The following NT5DC2 variants were observed in gnomAD, a reference collection of about 807,000 sequenced individuals.
NT5DC2 encodes the protein 5'-nucleotidase domain-containing protein 2.
NT5DC2 carries 41 observed loss-of-function variants against 70.0 expected under a neutral mutation model. The observed-to-expected ratio is 0.59, with a 90% CI of 0.46 to 0.76. The LOEUF is 0.76. Among genes scored for constraint, NT5DC2 ranks in the 30% least tolerant of loss-of-function variants. The probability of loss-of-function intolerance (pLI) is 0.00; values close to 1 mark genes in which losing one functional copy is unlikely to be tolerated. For missense variants in NT5DC2, 705 were observed against 783.2 expected, an observed-to-expected ratio of 0.90 and a Z score of 1.19; for synonymous variants, 299 against 310.4, an observed-to-expected ratio of 0.96 and a Z score of 0.39.
In NT5DC2 at chr3:52,533,580, T is replaced by C. The variant is rs914668944; in HGVS notation, c.158A>G (p.Gln53Arg). ...GAGGTCGGCGCCGCTGGTGGGTGCC[T>C]GGGCGGGCGCGGAGCGCGGGACGCC... ...CPGVPRSAPAQAPTSGADLSA... is the reference protein window; with the variant it reads ...CPGVPRSAPARAPTSGADLSA... Residue 53 changes from glutamine (Q) to arginine (R), a missense_variant, in exon 1 of 14, where the codon CAG becomes CGG. Gln to Arg is a conservative substitution (Grantham distance 43, BLOSUM62 1). Transcript: ENST00000422318. 7.7e-6 allele frequency: 10 copies of C among 1,301,104 alleles called. No individual in the cohort carries two copies. Among genetic ancestry groups the C allele is most frequent in the Admixed American group, 8.1e-5 (2 of 24,652 alleles). The allele number at this position is 1,301,104 out of a possible 1,614,324, so 80.6% of individuals were successfully genotyped here.
chr3:52,533,375 G>A lies in NT5DC2; in HGVS notation c.232+131C>T, dbSNP rs536177157. On this transcript the variant is annotated intron_variant, in intron 1 of 13. Coordinates refer to ENST00000422318, the MANE Select transcript of NT5DC2 (RefSeq NM_001134231.2). ...CGGAGCTTCTCGCGAAAAGCCGCCC[G>A]GCCCTTGCGCTCCGGGGCCCTGGCG... 8 of 999,340 alleles carry A rather than the reference G, an allele frequency of 8.0e-6. No individual in the cohort carries two copies. In the African/African-American group the frequency reaches 8.7e-5, roughly 11 times the overall value. The allele number at this position is 999,340 out of a possible 1,614,324, so 61.9% of individuals were successfully genotyped here.
rs112837086 is a variant in NT5DC2 at position 52,524,861 on chromosome 3, C to T, written c.1368G>A (p.Ser456=). Reference sequence around the variant, plus strand: ...TCATCCAGGCAGCCAGCACCTGCCTCGACTCCGCGTCCTGATAGGTCTGGG... The same window carrying T: ...TCATCCAGGCAGCCAGCACCTGCCTTGACTCCGCGTCCTGATAGGTCTGGG... ...ERMQTYQDAE[S]RQVLAAWMKE... Residue 456 remains serine, a synonymous_variant, in exon 13 of 14, where the codon TCG becomes TCA. Transcript: ENST00000422318. 77 of 1,612,342 alleles carry T rather than the reference C, an allele frequency of 4.8e-5. 3 individuals are homozygous for T. The Middle Eastern group carries it at 5.0e-4, about 10-fold the overall frequency.
chr3:52,524,916 C>G, intron 12 of NT5DC2, 35 bp from the exon 13 acceptor site: 1 of 1,611,880 alleles, frequency 6.2e-7, no homozygotes, highest in African/African-American at 1.3e-5. Flanking sequence ...GTGTGTGCAC[C>G]CAGGAGGCTA....
At chr3:52,533,919 G>T, upstream of NT5DC2, 1 of 816,150 alleles carries the variant, frequency 1.2e-6, no homozygotes, top group South Asian at 5.6e-5. Context: ...GGGGCGGGAG[G>T]CCCCGGACCC....
At chr3:52,526,988 A>G (rs2079284170) in intron 10 of NT5DC2, among the ~76,000 whole-genome samples, 1 of 152,190 alleles carries the variant, frequency 6.6e-6, no homozygotes, top group South Asian at 2.1e-4. Flanking sequence ...AGAGCTTTAT[A>G]CCACAGCTTC....
chr3:52,527,815 G>A lies in NT5DC2; in HGVS notation c.935+14C>T. 6.2e-7 allele frequency: 1 copy of A among 1,613,176 alleles called. No individual in the cohort carries two copies. The highest frequency in any genetic ancestry group is 8.5e-7 in the Non-Finnish European group (1 of 1,179,912). On this transcript the variant is annotated intron_variant, in intron 8 of 13. Coordinates refer to ENST00000422318, the MANE Select transcript of NT5DC2 (RefSeq NM_001134231.2). The stretch of plus-strand genomic sequence containing the variant: ...TGGCCCTGCTGTCCCTCCATCCACA[G>A]GGGCTGGACTCACACGAAGCTGAAA...
At position 52,531,970 on chromosome 3, in the gene NT5DC2, C is replaced by G. The variant is rs892680937; in HGVS notation, c.232+1536G>C. On this transcript the variant is annotated intron_variant, in intron 1 of 13. Transcript: ENST00000422318. This position sits in a 1 kb window ranked among gnomAD's most constrained non-coding sequence, Gnocchi z 4.1. ...CAGTAACAGGCACCGGGGTTGAGAT[C>G]ACCATTCAAGTCACCCCACCTGCAT... Among the ~76,000 whole-genome samples the G allele has an allele frequency of 6.6e-6, 1 of 152,184 alleles. No homozygotes were observed. The highest frequency in any genetic ancestry group is 2.4e-5 in the African/African-American group (1 of 41,438).
Position 52,529,421 on chromosome 3 carries a change from C to T in NT5DC2, c.233-87G>A. The stretch of plus-strand genomic sequence containing the variant: ...TCCTGAGCACTCTGTGGGGACCTAG[C>T]CCTGTGAGCCTCAGAAACGCCCCAC... On this transcript the variant is annotated intron_variant, in intron 1 of 13. Transcript: ENST00000422318. This position sits in a 1 kb window ranked among gnomAD's most constrained non-coding sequence, Gnocchi z 4.1. The T allele has an allele frequency of 2.3e-6, 3 of 1,303,308 alleles. No homozygotes were observed. The highest frequency in any genetic ancestry group is 2.6e-5 in the South Asian group (2 of 77,632). The allele number at this position is 1,303,308 out of a possible 1,614,324, so 80.7% of individuals were successfully genotyped here. A position where few individuals can be genotyped will look rare whatever the true frequency, so the allele number is the denominator to read the frequency against.
rs745871569 is a variant in NT5DC2 at position 52,524,850 on chromosome 3, A to G, written c.1379T>C (p.Leu460Pro). ...CTGCCGCTCTTTCATCCAGGCAGCC[A>G]GCACCTGCCTCGACTCCGCGTCCTG... ...TYQDAESRQV[L>P]AAWMKERQEL... The change falls in exon 13 of 14, where the codon CTG (leucine) becomes CCG (proline). Residue 460 changes from leucine to proline, a missense_variant. Transcript: ENST00000422318. 6 of 1,612,660 alleles carry G rather than the reference A, an allele frequency of 3.7e-6. No individual in the cohort carries two copies. The highest frequency in any genetic ancestry group is 4.2e-6 in the Non-Finnish European group (5 of 1,179,992).
chr3:52,528,526 C>G lies in NT5DC2; in HGVS notation c.562G>C (p.Val188Leu). 6.2e-7 allele frequency: 1 copy of G among 1,609,980 alleles called. No homozygotes were observed. The highest frequency in any genetic ancestry group is 1.1e-5 in the South Asian group (1 of 90,994). Residue 188 changes from valine (V) to leucine (L), a missense_variant, in exon 5 of 14, where the codon GTG (valine) becomes CTG (leucine). Coordinates refer to ENST00000422318, the MANE Select transcript of NT5DC2 (RefSeq NM_001134231.2). ...LGTAYRGLQP[V>L]PDEEVIELYG... ...AGCTCAATCACCTCCTCGTCTGGCACAGGCTGGAGGCCCCTGAGCAGGCCC... is the reference window on the plus strand; with the variant it reads ...AGCTCAATCACCTCCTCGTCTGGCAGAGGCTGGAGGCCCCTGAGCAGGCCC...
At chr3:52,534,945 G>C, upstream of NT5DC2, 1 of 397,810 alleles carries the variant, frequency 2.5e-6, no homozygotes, top group Non-Finnish European at 4.6e-6. Flanking sequence ...GAGCAAGTGG[G>C]TGTGCTGGGA....
Position 52,533,637 on chromosome 3 carries a change from C to A in NT5DC2, c.101G>T (p.Cys34Phe). 1.7e-6 allele frequency: 2 copies of A among 1,209,424 alleles called. No individual in the cohort carries two copies. The highest frequency in any genetic ancestry group is 7.0e-5 in the South Asian group (2 of 28,718). 74.9% of individuals were successfully genotyped at this position (1,209,424 alleles called of 1,614,324 possible). Residue 34 changes from cysteine (C) to phenylalanine (F), a missense_variant, in exon 1 of 14, where the codon TGC becomes TTC. Cys to Phe is a radical substitution (Grantham distance 205). Coordinates refer to ENST00000422318, the MANE Select transcript of NT5DC2 (RefSeq NM_001134231.2). ...AASSSPSCPGCGPPGPGAHCP... is the reference protein window; with the variant it reads ...AASSSPSCPGFGPPGPGAHCP... ...GTGGGCGCCGGGACCCGGGGGGCCG[C>A]ACCCAGGGCAGGAGGGCGAGGACGA...
rs2079319309 is a variant in NT5DC2, at chr3:52,528,797, A to G, written c.492+64T>C. 5 of 1,599,144 alleles carry G rather than the reference A, an allele frequency of 3.1e-6. No individual in the cohort carries two copies. The Admixed American group carries it at 8.3e-5, about 27-fold the overall frequency. ...CCAGAACCCCAGCTGGATGGGACGGAGGGGTAATGACCATACCAAGAGGAG... is the reference window on the plus strand; with the variant it reads ...CCAGAACCCCAGCTGGATGGGACGGGGGGGTAATGACCATACCAAGAGGAG... On this transcript the variant is annotated intron_variant, in intron 3 of 13. Coordinates refer to ENST00000422318, the MANE Select transcript of NT5DC2 (RefSeq NM_001134231.2).
chr3:52,534,370 C>T (rs761627872), upstream of NT5DC2: 1 of 1,123,266 alleles, frequency 8.9e-7, no homozygotes, highest in Non-Finnish European at 1.3e-6. Flanking sequence ...AAATAAAGAG[C>T]CCTTCCCGCG....
chr3:52,528,862 T>C lies in NT5DC2; in HGVS notation c.491A>G (p.Lys164Arg), dbSNP rs2079320642. 3.1e-6 allele frequency: 5 copies of C among 1,613,976 alleles called. No individual in the cohort carries two copies. Among genetic ancestry groups the C allele is most frequent in the Middle Eastern group, 1.6e-4 (1 of 6,062 alleles). Residue 164 changes from lysine to arginine, a missense_variant and splice_region_variant, in exon 3 of 14, where the codon AAG becomes AGG. Physicochemically the swap from Lys to Arg is conservative, Grantham distance 26. Transcript: ENST00000422318. ...AIRGLHYDIQ[K>R]SLLMKIDAFH... ...CCCTATACAGGTCCAGCCACTCACC[T>C]TCTGAATGTCATAGTGGAGGCCACG... is the stretch of plus-strand genomic sequence containing the variant.
intron 1 of NT5DC2, 42 bp downstream of exon 1, chr3:52,533,464 G>C (rs1666145184): frequency 6.8e-7 from 1 of 1,481,206 alleles, no homozygotes; most frequent in African/African-American, 1.5e-5. Flanking sequence ...ATCAGTCCAC[G>C]CGGAAGACAC....
chr3:52,530,525 G>A (rs777680382), intron 1 of NT5DC2, among the ~76,000 whole-genome samples: 1 of 152,070 alleles, frequency 6.6e-6, no homozygotes, highest in Non-Finnish European at 1.5e-5. Flanking sequence ...TCACCTCTTG[G>A]GCCTGTTTCC....
At chr3:52,534,863 A>G, upstream of NT5DC2, 1 of 598,428 alleles carries the variant, frequency 1.7e-6, no homozygotes, top group Non-Finnish European at 2.9e-6. Flanking sequence ...GTGGCAGTCC[A>G]TGGCCTGGGG....
At chr3:52,528,611 G>C in intron 4 of NT5DC2, 26 bp downstream of exon 4, 1 of 1,524,726 alleles carries the variant, frequency 6.6e-7, no homozygotes, top group Non-Finnish European at 9.0e-7. Flanking sequence ...TGGGGCGGGG[G>C]TGGGGTTGGG....
Sources: gnomAD v4.1 joint callset for allele counts (sites outside exome capture counted in the v4.1 genomes callset) on GRCh38, gnomAD v4.1.1 for gene constraint, Gnocchi (gnomAD v3.1) non-coding constraint, MANE v1.5 for transcripts, NCBI Gene and HGNC (gene_info 2026-07-23, HGNC 2026-07-21) for gene names.